Variants in MDFIC2 observed in about 807,000 individuals in gnomAD.
The protein encoded by MDFIC2 is myoD family inhibitor domain-containing protein 2.
intron 2 of MDFIC2, among the ~76,000 whole-genome samples, chr3:70,284,748 G>A (rs545929410): frequency 3.3e-5 from 5 of 152,194 alleles, no homozygotes; most frequent in African/African-American, 9.6e-5. Flanking sequence ...CCTATTGGAG[G>A]GTGAAGGGTA....
intron 2 of MDFIC2, among the ~76,000 whole-genome samples, chr3:70,209,525 G>A (rs1268885897): frequency 6.6e-6 from 1 of 152,036 alleles, no homozygotes; most frequent in Non-Finnish European, 1.5e-5. Context: ...GTATGAATGG[G>A]TATCCCCAGT....
Position 70,206,610 on chromosome 3 carries a change from T to G in MDFIC2, c.269A>C (p.Tyr90Ser), listed in dbSNP as rs1034175413. Residue 90 changes from tyrosine (Y) to serine (S), a missense_variant, in exon 3 of 4, where the codon TAC (tyrosine) becomes TCC (serine). Tyr to Ser is a moderately radical substitution (Grantham distance 144, BLOSUM62 -2). Coordinates refer to ENST00000567252, the MANE Select transcript of MDFIC2 (RefSeq NM_001364677.1). ...SLEECQTTFS[Y>S]LQTDTSVHHR... is the part of the protein sequence containing the mutation. ...ATGAACTGAAGTATCAGTTTGGAGG[T>G]AAGAAAATGTTGTTTGGCATTCTTC... 1 of 397,764 alleles carries G rather than the reference T, an allele frequency of 2.5e-6. No homozygotes were observed. Among genetic ancestry groups the G allele is most frequent in the Non-Finnish European group, 4.4e-6 (1 of 225,490 alleles). 24.6% of individuals were successfully genotyped at this position (397,764 alleles called of 1,614,324 possible).
rs1353774927 is a variant in MDFIC2 at position 70,196,466 on chromosome 3, T to A, written c.*460A>T. 1.3e-5 allele frequency among the ~76,000 whole-genome samples: 2 copies of A among 152,180 alleles called. No individual in the cohort carries two copies. Among genetic ancestry groups the A allele is most frequent in the African/African-American group, 4.8e-5 (2 of 41,446 alleles). ...TACAAAATGATGTTATACAATACATTATTAATAATAACCAACAATGCATAA... is the reference window on the plus strand; with the variant it reads ...TACAAAATGATGTTATACAATACATAATTAATAATAACCAACAATGCATAA... On this transcript the variant is annotated 3_prime_UTR_variant, in exon 4 of 4. Transcript: ENST00000567252.
intron 2 of MDFIC2, among the ~76,000 whole-genome samples, chr3:70,232,248 C>T (rs1701566407): frequency 6.6e-6 from 1 of 152,180 alleles, no homozygotes; most frequent in African/African-American, 2.4e-5. Context: ...GCTTTGGACA[C>T]ACCAAGTAGC....
At chr3:70,215,726 A>G (rs1212659188) in intron 2 of MDFIC2, among the ~76,000 whole-genome samples, 1 of 152,120 alleles carries the variant, frequency 6.6e-6, no homozygotes, top group South Asian at 2.1e-4. Context: ...TAAGCCATTC[A>G]GCTCAATTTC....
At chr3:70,251,906 T>C (rs1701772772) in intron 2 of MDFIC2, among the ~76,000 whole-genome samples, 1 of 152,216 alleles carries the variant, frequency 6.6e-6, no homozygotes, top group Non-Finnish European at 1.5e-5. Flanking sequence ...TTGGGATGTC[T>C]TGTTACACTG....
At chr3:70,228,354 A>T (rs1701527763) in intron 2 of MDFIC2, among the ~76,000 whole-genome samples, 2 of 152,142 alleles carry the variant, frequency 1.3e-5, no homozygotes, top group African/African-American at 4.8e-5. Flanking sequence ...TTTGACAAGT[A>T]ATTCATCTTC....
chr3:70,208,084 A>C (rs1701309558), intron 2 of MDFIC2, among the ~76,000 whole-genome samples: 1 of 152,200 alleles, frequency 6.6e-6, no homozygotes, highest in South Asian at 2.1e-4. Context: ...TGTTAGAGAG[A>C]GGACCAGACT....
At chr3:70,200,722 G>C (rs967836758) in intron 3 of MDFIC2, among the ~76,000 whole-genome samples, 4 of 152,100 alleles carry the variant, frequency 2.6e-5, no homozygotes, top group Admixed American at 6.6e-5. Flanking sequence ...CTCTCTCTCT[G>C]GTTGACTGAC....
At chr3:70,305,288 C>T (rs1487587996) in intron 2 of MDFIC2, among the ~76,000 whole-genome samples, 1 of 152,050 alleles carries the variant, frequency 6.6e-6, no homozygotes, top group Non-Finnish European at 1.5e-5. Flanking sequence ...TTTTCTTCAC[C>T]CCTATTTTTG....
rs528820081 is a variant in MDFIC2, at chr3:70,195,083, G to A, written c.*1843C>T. ...TCAGAAAATTAGAACCCAAGTTAGA[G>A]TTCCTGACACTGCCAATAATTCACT... is the stretch of plus-strand genomic sequence containing the variant. On this transcript the variant is annotated 3_prime_UTR_variant, in exon 4 of 4. Transcript: ENST00000567252. Among the ~76,000 whole-genome samples, 67 of 152,300 alleles carry A rather than the reference G, an allele frequency of 4.4e-4. No individual in the cohort carries two copies. The highest frequency in any genetic ancestry group is 1.4e-3 in the African/African-American group (58 of 41,554).
chr3:70,302,751 TG>T (rs1436145732), intron 2 of MDFIC2: 1 of 152,190 alleles, frequency 6.6e-6, no homozygotes, highest in Non-Finnish European at 1.5e-5. Context: ...AGTCTCTAAA[TG>T]TGCTATTTAA....
rs557738869 is a variant in MDFIC2 at position 70,251,178 on chromosome 3, C to T, written c.89-44388G>A. Among the ~76,000 whole-genome samples, 5 of 152,294 alleles carry T rather than the reference C, an allele frequency of 3.3e-5. 2 individuals carry two copies. In the South Asian group the frequency reaches 1.0e-3, roughly 32 times the overall value. On this transcript the variant is annotated intron_variant, in intron 2 of 3. Transcript: ENST00000567252. ...GCAAAAAGGTGGTTTCTGCCCACATCTTTGGAGACAGAGCTACTCCTCAGG... is the reference window on the plus strand; with the variant it reads ...GCAAAAAGGTGGTTTCTGCCCACATTTTTGGAGACAGAGCTACTCCTCAGG...
intron 2 of MDFIC2, among the ~76,000 whole-genome samples, chr3:70,308,995 T>C (rs893706117): frequency 1.3e-5 from 2 of 152,198 alleles, no homozygotes; most frequent in Non-Finnish European, 2.9e-5. Flanking sequence ...GTCACTGTCA[T>C]GTGAGATGTA....
chr3:70,270,167 G>GT (rs1345484674), intron 2 of MDFIC2, among the ~76,000 whole-genome samples: 1 of 152,066 alleles, frequency 6.6e-6, no homozygotes, highest in African/African-American at 2.4e-5. Context: ...GGAATACGTA[G>GT]ACAAGTAGAA....
chr3:70,290,670 C>T (rs1015467758), intron 2 of MDFIC2, among the ~76,000 whole-genome samples: 1 of 152,180 alleles, frequency 6.6e-6, no homozygotes, highest in Non-Finnish European at 1.5e-5. Context: ...TCGCTGCCGC[C>T]TTGCAGTTTG....
intron 2 of MDFIC2, among the ~76,000 whole-genome samples, chr3:70,210,018 C>T (rs1701327795): frequency 1.3e-5 from 2 of 152,052 alleles, no homozygotes; most frequent in Admixed American, 1.3e-4. Context: ...AATTAATTAA[C>T]AATCAGTTCA....
intron 2 of MDFIC2, among the ~76,000 whole-genome samples, chr3:70,290,344 TGG>T (rs1302496010): frequency 1.3e-5 from 2 of 152,254 alleles, no homozygotes; most frequent in African/African-American, 4.8e-5. Flanking sequence ...GTGCCCCTGT[TGG>T]GGGGTGCCTC....
intron 2 of MDFIC2, among the ~76,000 whole-genome samples, chr3:70,212,003 A>G (rs1701356265): frequency 6.6e-6 from 1 of 150,714 alleles, no homozygotes; most frequent in African/African-American, 2.4e-5. Context: ...CCTTCCATGT[A>G]TTTTTTCCTT....
Sources: gnomAD v4.1 joint callset for allele counts (sites outside exome capture counted in the v4.1 genomes callset) on GRCh38, gnomAD v4.1.1 for gene constraint, MANE v1.5 for transcripts, NCBI Gene and HGNC (gene_info 2026-07-23, HGNC 2026-07-21) for gene names.